DOCK1: variants seen among roughly 807,000 people sequenced by gnomAD.
DOCK1 encodes the protein dedicator of cytokinesis 1, also known as dedicator of cytokinesis protein 1.
In DOCK1, 138 loss-of-function variants were observed where a neutral mutation model predicts 262.7. That is an observed-to-expected ratio of 0.53 (90% CI 0.46 to 0.61). The LOEUF (loss-of-function observed/expected upper bound fraction) is 0.61. Among genes scored for constraint, DOCK1 ranks in the 20% least tolerant of loss-of-function variants. The pLI, the probability that DOCK1 is intolerant of heterozygous loss-of-function variation, is 0.00. For synonymous variants in DOCK1, 866 were observed against 867.4 expected, an observed-to-expected ratio of 1.00 and a Z score of 0.03; for missense variants, 1,908 against 2,370.7, an observed-to-expected ratio of 0.80 and a Z score of 4.05.
chr10:127,342,767 G>A (rs918967497), intron 30 of DOCK1, among the ~76,000 whole-genome samples: 1 of 133,456 alleles, frequency 7.5e-6, no homozygotes, highest in African/African-American at 2.6e-5. Flanking sequence ...AAAGGCCGTT[G>A]TCTTTTAAAC....
chr10:126,993,078 A>T (rs1043133483), intron 6 of DOCK1, among the ~76,000 whole-genome samples: 6 of 152,202 alleles, frequency 3.9e-5, no homozygotes, highest in African/African-American at 1.2e-4. Context: ...AGAACCCAGG[A>T]TCTGGTTTTG....
intron 29 of DOCK1, among the ~76,000 whole-genome samples, chr10:127,303,706 T>A (rs945252680): frequency 1.4e-5 from 2 of 147,360 alleles, no homozygotes; most frequent in Non-Finnish European, 3.0e-5. Context: ...AAAAAATTTT[T>A]AAAAATTAGC....
chr10:127,443,370 G>A (rs1312124966), intron 49 of DOCK1, among the ~76,000 whole-genome samples: 9 of 152,160 alleles, frequency 5.9e-5, no homozygotes, highest in Non-Finnish European at 1.3e-4. Context: ...CATGGACTCT[G>A]GGAGAGGAGC....
intron 1 of DOCK1, among the ~76,000 whole-genome samples, chr10:126,917,293 A>G (rs1169303062): frequency 6.6e-6 from 1 of 152,180 alleles, no homozygotes; most frequent in East Asian, 1.9e-4. Context: ...GGGTTTGGGA[A>G]CTTTGTGGGT....
At chr10:127,314,576 T>C (rs1364488484) in intron 29 of DOCK1, among the ~76,000 whole-genome samples, 1 of 151,714 alleles carries the variant, frequency 6.6e-6, no homozygotes, top group Non-Finnish European at 1.5e-5. Context: ...AGGCAAAACC[T>C]CATAGATCCT....
chr10:127,287,774 G>A (rs971002162), intron 29 of DOCK1, among the ~76,000 whole-genome samples: 2 of 151,866 alleles, frequency 1.3e-5, no homozygotes, highest in Non-Finnish European at 2.9e-5. Context: ...CTCTTATAAC[G>A]TGAAGATTGA....
At chr10:127,083,843 C>T (rs756238316) in intron 23 of DOCK1, among the ~76,000 whole-genome samples, 10 of 152,252 alleles carry the variant, frequency 6.6e-5, no homozygotes, top group Non-Finnish European at 7.3e-5. Context: ...AAACAAATTA[C>T]AGGCAACCAC....
At chr10:126,924,884 CTT>C (rs1221045286) in intron 1 of DOCK1, among the ~76,000 whole-genome samples, 2 of 152,240 alleles carry the variant, frequency 1.3e-5, no homozygotes, top group Non-Finnish European at 2.9e-5. Flanking sequence ...TAAGGACAAA[CTT>C]TTAATAATTG....
chr10:127,267,063 C>A (rs1419017106), intron 29 of DOCK1, among the ~76,000 whole-genome samples: 3 of 152,200 alleles, frequency 2.0e-5, no homozygotes, highest in Non-Finnish European at 4.4e-5. Flanking sequence ...ATGCTCTGGA[C>A]CCTCCAGCAG....
intron 33 of DOCK1, among the ~76,000 whole-genome samples, chr10:127,363,820 T>G (rs1030767633): frequency 5.9e-5 from 9 of 152,010 alleles, no homozygotes; most frequent in African/African-American, 1.9e-4. Flanking sequence ...ACACTGTGAG[T>G]TGAGTTTAGA....
chr10:126,918,269 C>T (rs558905491), intron 1 of DOCK1, among the ~76,000 whole-genome samples: 28 of 151,632 alleles, frequency 1.8e-4, no homozygotes, highest in African/African-American at 4.4e-4. Context: ...CAGCATGCAG[C>T]GGGGGCTCCG....
chr10:127,101,125 G>A (rs1172936557), intron 23 of DOCK1, among the ~76,000 whole-genome samples: 1 of 152,138 alleles, frequency 6.6e-6, no homozygotes, highest in Non-Finnish European at 1.5e-5. Context: ...AGGGGCAGAG[G>A]TTGGGAGCTG....
chr10:126,938,017 T>A (rs1591370391), intron 1 of DOCK1, among the ~76,000 whole-genome samples: 1 of 152,012 alleles, frequency 6.6e-6, no homozygotes, highest in African/African-American at 2.4e-5. Context: ...TTGAGTTAAC[T>A]TTTGTGAATA....
Position 127,437,686 on chromosome 10 carries a change from C to T in DOCK1, c.5061-1341C>T, listed in dbSNP as rs1437660710. Among the ~76,000 whole-genome samples, 1 of 152,074 alleles carries T rather than the reference C, an allele frequency of 6.6e-6. No individual in the cohort carries two copies. The highest frequency in any genetic ancestry group is 2.1e-4 in the South Asian group (1 of 4,814). ...TCGAGACTGGATCTTGCCATGTTGG[C>T]CAGGCTGGTCTCGAACTCCTGAGCT... On this transcript the variant is annotated intron_variant, in intron 48 of 51. Transcript: ENST00000623213. The surrounding 1 kb of genome is among the most constrained non-coding windows in gnomAD (Gnocchi z 4.4).
intron 27 of DOCK1, among the ~76,000 whole-genome samples, chr10:127,172,844 G>A (rs2054705418): frequency 6.6e-6 from 1 of 152,174 alleles, no homozygotes. Flanking sequence ...TGGGATACCG[G>A]AGTGAATGAC....
intron 27 of DOCK1, among the ~76,000 whole-genome samples, chr10:127,130,472 A>G (rs2050256058): frequency 6.6e-6 from 1 of 152,172 alleles, no homozygotes; most frequent in South Asian, 2.1e-4. Flanking sequence ...AGGGCACAGA[A>G]AAAGCTCATA....
chr10:127,107,623 C>T (rs1442496381), intron 24 of DOCK1, among the ~76,000 whole-genome samples: 1 of 152,194 alleles, frequency 6.6e-6, no homozygotes, highest in Non-Finnish European at 1.5e-5. Context: ...AATGGCAGCT[C>T]CGGTAGCCCT....
intron 27 of DOCK1, among the ~76,000 whole-genome samples, chr10:127,168,821 CTGCAG>C (rs1444541831): frequency 5.3e-5 from 8 of 152,194 alleles, no homozygotes; most frequent in African/African-American, 1.7e-4. Context: ...TGCACAGCTG[CTGCAG>C]CGGTGCACAA....
chr10:127,108,153 T>G (rs1418087485), intron 24 of DOCK1, among the ~76,000 whole-genome samples: 1 of 152,232 alleles, frequency 6.6e-6, no homozygotes, highest in African/African-American at 2.4e-5. Flanking sequence ...TACATATTTG[T>G]TTCTATTTAG....
Sources: gnomAD v4.1 joint callset for allele counts (sites outside exome capture counted in the v4.1 genomes callset) on GRCh38, gnomAD v4.1.1 for gene constraint, Gnocchi (gnomAD v3.1) non-coding constraint, MANE v1.5 for transcripts, NCBI Gene and HGNC (gene_info 2026-07-23, HGNC 2026-07-21) for gene names.